The following EML5 variants were observed in gnomAD, a reference collection of about 807,000 sequenced individuals.
EML5 encodes the protein EMAP like 5, also known as echinoderm microtubule-associated protein-like 5.
Under a neutral mutation model 250.0 loss-of-function variants are expected in EML5, and 120 were observed. The ratio of observed to expected loss-of-function variants is 0.48; its 90% confidence interval spans 0.41 to 0.56. The LOEUF (loss-of-function observed/expected upper bound fraction) is 0.56. Ranked by LOEUF, EML5 falls within the 20% of genes least tolerant of loss-of-function variation. The pLI, the probability that EML5 is intolerant of heterozygous loss-of-function variation, is 0.00. For missense variants in EML5, 2,006 were observed against 2,437.6 expected (o/e 0.82, Z 3.73); for synonymous variants, 771 against 806.5 (o/e 0.96, Z 0.75).
chr14:88,710,072 TCCCTGA>T (rs555644458), intron 10 of EML5, among the ~76,000 whole-genome samples: 114 of 152,312 alleles, frequency 7.5e-4, no homozygotes, highest in Non-Finnish European at 1.4e-3. Context: ...CTCTCCATTC[TCCCTGA>T]CCCTGACCTG....
rs566630977 is a variant in EML5, at chr14:88,735,459, T to G, written c.1049+905A>C. Among the ~76,000 whole-genome samples, 6 of 152,250 alleles carry G rather than the reference T, an allele frequency of 3.9e-5. No homozygotes were observed. The South Asian group carries it at 1.2e-3, about 32-fold the overall frequency. The stretch of plus-strand genomic sequence containing the variant: ...AATGTCCTCTAAACATATAAAAACA[T>G]AACAACCCTCAATATAAGAGAAATA... On this transcript the variant is annotated intron_variant, in intron 7 of 43. Coordinates refer to ENST00000554922, the MANE Select transcript of EML5 (RefSeq NM_183387.3).
At chr14:88,779,880 AG>A (rs1352885146) in intron 1 of EML5, among the ~76,000 whole-genome samples, 1 of 152,234 alleles carries the variant, frequency 6.6e-6, no homozygotes, top group African/African-American at 2.4e-5. Context: ...ATTCAAATCC[AG>A]AACTACAAAA....
At chr14:88,634,281 AG>A (rs1280440898) in intron 33 of EML5, among the ~76,000 whole-genome samples, 187 bp downstream of exon 33, 1 of 152,148 alleles carries the variant, frequency 6.6e-6, no homozygotes, top group African/African-American at 2.4e-5. Flanking sequence ...AAATTTCCTG[AG>A]GCCTCCCCAG....
intron 31 of EML5, among the ~76,000 whole-genome samples, chr14:88,639,424 T>C (rs996288219): frequency 2.0e-5 from 3 of 152,186 alleles, no homozygotes; most frequent in African/African-American, 7.2e-5. Flanking sequence ...AGGGAGGATT[T>C]TGAGTGTCAG....
chr14:88,726,758 T>C, intron 7 of EML5, 80 bp from the exon 8 acceptor site: 1 of 1,029,174 alleles, frequency 9.7e-7, no homozygotes. Context: ...AATAATCTCA[T>C]CTTAATTAAG....
chr14:88,704,574 C>A (rs1395481661), intron 13 of EML5, among the ~76,000 whole-genome samples: 2 of 152,156 alleles, frequency 1.3e-5, no homozygotes, highest in African/African-American at 4.8e-5. Context: ...TAATATATTA[C>A]ACACAATGTA....
At chr14:88,647,687 CAAA>C (rs34191990) in intron 28 of EML5, among the ~76,000 whole-genome samples, 924 of 48,644 alleles carry the variant, frequency 0.019, 6 homozygotes, top group African/African-American at 0.065. Context: ...GAGACCGTCT[CAAA>C]AAAAAAAAAA....
intron 1 of EML5, among the ~76,000 whole-genome samples, chr14:88,772,412 C>T (rs996206948): frequency 1.3e-5 from 2 of 152,138 alleles, no homozygotes; most frequent in Admixed American, 6.6e-5. Flanking sequence ...AGCTTCCTAC[C>T]GAATTAGAAT....
chr14:88,677,362 C>G (rs2092618855), intron 21 of EML5, among the ~76,000 whole-genome samples: 1 of 152,180 alleles, frequency 6.6e-6, no homozygotes, highest in Admixed American at 6.5e-5. Context: ...AGAAGAAAAT[C>G]TAGGCAATAC....
Position 88,640,773 on chromosome 14 carries a change from C to T in EML5, c.4238-1866G>A, listed in dbSNP as rs563138256. Among the ~76,000 whole-genome samples the T allele has an allele frequency of 4.6e-5, 7 of 152,038 alleles. No individual in the cohort carries two copies. In the East Asian group the frequency reaches 7.7e-4, roughly 17 times the overall value. ...CAAAGAATCAACAAAATAAAAAAAT[C>T]GGTTTTTTGAAAAGATAAACAAGAT... is the stretch of plus-strand genomic sequence containing the variant. On this transcript the variant is annotated intron_variant, in intron 31 of 43. Transcript: ENST00000554922.
chr14:88,635,217 C>T (rs1380962436), intron 32 of EML5, among the ~76,000 whole-genome samples: 1 of 152,148 alleles, frequency 6.6e-6, no homozygotes, highest in African/African-American at 2.4e-5. Flanking sequence ...TTTGGTAAAG[C>T]TTTATATCCA....
chr14:88,779,948 GA>G (rs776202735), intron 1 of EML5, among the ~76,000 whole-genome samples: 1 of 151,750 alleles, frequency 6.6e-6, no homozygotes, highest in Non-Finnish European at 1.5e-5. Flanking sequence ...TCATGTTTCT[GA>G]AAAAAAATTT....
intron 8 of EML5, among the ~76,000 whole-genome samples, chr14:88,720,214 G>A (rs1352903067): frequency 1.3e-5 from 2 of 152,158 alleles, no homozygotes; most frequent in Non-Finnish European, 2.9e-5. Context: ...GAAATACAAA[G>A]AGGAGCAGAT....
intron 17 of EML5, among the ~76,000 whole-genome samples, chr14:88,691,822 G>C (rs983142109): frequency 6.6e-6 from 1 of 152,184 alleles, no homozygotes; most frequent in African/African-American, 2.4e-5. Context: ...AGTAAGGAAG[G>C]TTGAAATGCT....
At chr14:88,639,671 G>C (rs1224376545) in intron 31 of EML5, among the ~76,000 whole-genome samples, 1 of 152,090 alleles carries the variant, frequency 6.6e-6, no homozygotes. Context: ...CCACTTCCCT[G>C]GTTCAAGCAA....
At chr14:88,648,326 T>TAA (rs2091452545) in intron 28 of EML5, among the ~76,000 whole-genome samples, 1 of 152,272 alleles carries the variant, frequency 6.6e-6, no homozygotes, top group East Asian at 1.9e-4. Flanking sequence ...TTTAGTTTTC[T>TAA]TGTTTTGAAA....
intron 33 of EML5, among the ~76,000 whole-genome samples, chr14:88,631,290 C>T (rs8006652): frequency 0.23 from 35,640 of 152,108 alleles, 4,375 homozygotes; most frequent in East Asian, 0.37. Flanking sequence ...CATGACACAC[C>T]GCAGCCTCGA....
In EML5 at chr14:88,664,623, A is replaced by G; in HGVS notation, c.3279T>C (p.Gly1093=). The change falls in exon 23 of 44, where the codon GGT becomes GGC. Residue 1093 remains glycine (G), a splice_region_variant and synonymous_variant. Transcript: ENST00000554922. The stretch of plus-strand genomic sequence containing the variant: ...ATGCTACAGCAAGATATTTCCCAGA[A>G]CCTATAATAGAAACATATTTGCTTG... ...DMISDIRFSP[G]SGKYLAVASH... 2 of 1,603,340 alleles carry G rather than the reference A, an allele frequency of 1.2e-6. No homozygotes were observed. Among genetic ancestry groups the G allele is most frequent in the Non-Finnish European group, 1.7e-6 (2 of 1,176,950 alleles).
At chr14:88,763,382 T>C (rs1595818277) in intron 1 of EML5, among the ~76,000 whole-genome samples, 1 of 152,200 alleles carries the variant, frequency 6.6e-6, no homozygotes, top group East Asian at 1.9e-4. Flanking sequence ...AACAACTTTA[T>C]GCAAATAAAC....
Sources: allele counts gnomAD v4.1 joint callset (sites outside exome capture counted in the v4.1 genomes callset), GRCh38; gene constraint gnomAD v4.1.1; transcripts MANE v1.5; gene names NCBI Gene and HGNC (gene_info 2026-07-23, HGNC 2026-07-21).